The following TNIK variants were observed in gnomAD, a reference collection of about 807,000 sequenced individuals.
TNIK encodes the protein TRAF2 and NCK-interacting protein kinase.
Under a neutral mutation model 191.3 loss-of-function variants are expected in TNIK, and 49 were observed. The observed-to-expected ratio is 0.26, with a 90% CI of 0.20 to 0.32. The LOEUF is 0.32. Ranked by LOEUF, TNIK falls within the 10% of genes least tolerant of loss-of-function variation. The pLI, the probability that TNIK is intolerant of heterozygous loss-of-function variation, is 1.00. For synonymous variants in TNIK, 594 were observed against 600.9 expected (o/e 0.99, Z 0.17); for missense variants, 1,155 against 1,702.3 (o/e 0.68, Z 5.66).
At chr3:171,186,021 A>C (rs1170273650) in intron 7 of TNIK, among the ~76,000 whole-genome samples, 1 of 152,210 alleles carries the variant, frequency 6.6e-6, no homozygotes. Flanking sequence ...CACCAAACAC[A>C]CAGTGAAATC....
At chr3:171,397,114 G>A (rs370996520) in intron 1 of TNIK, among the ~76,000 whole-genome samples, 2 of 152,332 alleles carry the variant, frequency 1.3e-5, no homozygotes, top group African/African-American at 2.4e-5. Flanking sequence ...GAAAGCCTCT[G>A]AAATGTGGCA....
chr3:171,449,810 TG>T lies in TNIK; in HGVS notation c.57+10196del, dbSNP rs532321974. The stretch of plus-strand genomic sequence containing the variant: ...AAAATTTTTGGGAGGCCAAGGAGGG[TG>T]GATCACCTGAGGTCACAAGTTCGAG... On this transcript the variant is annotated intron_variant, in intron 1 of 32. Transcript: ENST00000436636. Among the ~76,000 whole-genome samples the T allele has an allele frequency of 7.3e-5, 11 of 149,928 alleles. No individual in the cohort carries two copies. In the East Asian group the frequency reaches 1.8e-3, roughly 24 times the overall value.
intron 4 of TNIK, among the ~76,000 whole-genome samples, chr3:171,195,661 A>G (rs1397393927): frequency 6.6e-6 from 1 of 152,174 alleles, no homozygotes; most frequent in Non-Finnish European, 1.5e-5. Flanking sequence ...ACCTAATAGA[A>G]ACTAAATAAA....
chr3:171,190,766 G>T lies in TNIK; in HGVS notation c.439C>A (p.His147Asn), dbSNP rs774407916. Residue 147 changes from histidine to asparagine, a missense_variant, in exon 6 of 33, where the codon CAT becomes AAT. Transcript: ENST00000436636. Reference protein sequence around the residue: ...ILRGLSHLHQHKVIHRDIKGQ... With the variant: ...ILRGLSHLHQNKVIHRDIKGQ... ...TTAATATCTCGATGAATCACTTTATGCTGGTGCAGGTGACTCAGCCCCTGG... is the reference window on the plus strand; with the variant it reads ...TTAATATCTCGATGAATCACTTTATTCTGGTGCAGGTGACTCAGCCCCTGG... 6.3e-7 allele frequency: 1 copy of T among 1,594,494 alleles called. No homozygotes were observed. The highest frequency in any genetic ancestry group is 1.1e-5 in the South Asian group (1 of 87,550).
intron 9 of TNIK, among the ~76,000 whole-genome samples, chr3:171,171,203 T>C (rs541027449): frequency 2.6e-5 from 4 of 152,094 alleles, no homozygotes; most frequent in Non-Finnish European, 5.9e-5. Context: ...ATTTTTAAAG[T>C]CTGTGTAATA....
At chr3:171,219,146 A>ATATAAATATATAATTATAAATATATATTT (rs1560279074) in intron 3 of TNIK, among the ~76,000 whole-genome samples, 1 of 50,038 alleles carries the variant, frequency 2.0e-5, no homozygotes, top group African/African-American at 1.3e-4. Context: ...AATATATATT[A>ATATAAATATATAATTATAAATATATATTT]TAAAATATAT....
intron 23 of TNIK, among the ~76,000 whole-genome samples, chr3:171,092,059 C>T (rs922437354): frequency 4.6e-5 from 7 of 151,682 alleles, no homozygotes; most frequent in Non-Finnish European, 8.8e-5. Context: ...ACGCCATTCT[C>T]CTGCCTCAGC....
chr3:171,264,918 G>C (rs1406686403), intron 2 of TNIK, among the ~76,000 whole-genome samples: 2 of 152,200 alleles, frequency 1.3e-5, no homozygotes, highest in East Asian at 1.9e-4. Context: ...TGCCATGAGA[G>C]AGGTAGTGGG....
At chr3:171,183,506 GACA>G (rs1736939600) in intron 7 of TNIK, among the ~76,000 whole-genome samples, 1 of 152,188 alleles carries the variant, frequency 6.6e-6, no homozygotes, top group Admixed American at 6.5e-5. Flanking sequence ...GGTCCCTAGG[GACA>G]ACATCTTAAT....
chr3:171,369,549 A>G, intron 2 of TNIK, 71 bp downstream of exon 2: 2 of 1,282,912 alleles, frequency 1.6e-6, no homozygotes, highest in South Asian at 2.7e-5. Flanking sequence ...GAGCCAGTAT[A>G]GACAGCACTG....
intron 2 of TNIK, among the ~76,000 whole-genome samples, chr3:171,335,163 T>C (rs1448298160): frequency 6.6e-6 from 1 of 152,188 alleles, no homozygotes; most frequent in Non-Finnish European, 1.5e-5. Flanking sequence ...TATTCATATT[T>C]CTATCCCCAG....
At chr3:171,127,207 C>G (rs143043707) in intron 16 of TNIK, among the ~76,000 whole-genome samples, 11 of 152,308 alleles carry the variant, frequency 7.2e-5, no homozygotes, top group African/African-American at 2.6e-4. Flanking sequence ...AAGGACCTGT[C>G]AAATCCTCTT....
intron 2 of TNIK, among the ~76,000 whole-genome samples, chr3:171,267,203 ACTGGTAAGTACAGAATTGACAT>A (rs1748503202): frequency 6.6e-6 from 1 of 152,200 alleles, no homozygotes; most frequent in African/African-American, 2.4e-5. Context: ...CGGTAGAAGA[ACTGGTAAGTACAGAATTGACAT>A]CTTGCTAAGA....
chr3:171,396,121 G>GC (rs146400910), intron 1 of TNIK, among the ~76,000 whole-genome samples: 60 of 149,358 alleles, frequency 4.0e-4, no homozygotes, highest in African/African-American at 1.4e-3. Context: ...CCCACCCACT[G>GC]CCCCCCCAAC....
rs763673459 is a variant in TNIK, at chr3:171,139,553, A to T, written c.1336T>A (p.Tyr446Asn). ...TCCTCCTCTAACTGTCGCCTGATGT[A>T]TTCCTGGAGAGGTAGGCAGCAGAGA... Reference protein sequence around the residue: ...ERRRAEHEQEYIRRQLEEEQR... With the variant: ...ERRRAEHEQENIRRQLEEEQR... Residue 446 changes from tyrosine to asparagine, a missense_variant, in exon 14 of 33, where the codon TAC becomes AAC. By Grantham distance (143) the Tyr-to-Asn change is moderately radical. Transcript: ENST00000436636. The T allele has an allele frequency of 1.2e-6, 2 of 1,613,794 alleles. No homozygotes were observed.
At chr3:171,097,005 T>C (rs56142913) in intron 22 of TNIK, among the ~76,000 whole-genome samples, 30,820 of 152,158 alleles carry the variant, frequency 0.2, 5,239 homozygotes, top group African/African-American at 0.47. Flanking sequence ...AAGTTGGGTT[T>C]ACTAGGATGT....
At chr3:171,290,907 C>T (rs746207350) in intron 2 of TNIK, among the ~76,000 whole-genome samples, 16 of 152,138 alleles carry the variant, frequency 1.1e-4, no homozygotes, top group Admixed American at 9.8e-4. Flanking sequence ...ATGACAAGCC[C>T]ATAGCACCAA....
intron 2 of TNIK, among the ~76,000 whole-genome samples, chr3:171,230,210 A>G (rs1162105091): frequency 6.6e-6 from 1 of 152,228 alleles, no homozygotes; most frequent in African/African-American, 2.4e-5. Context: ...AATCTTGCAC[A>G]AGGAAGAAGT....
At position 171,292,261 on chromosome 3, in the gene TNIK, G is replaced by T. The variant is rs551990426; in HGVS notation, c.124-64040C>A. On this transcript the variant is annotated intron_variant, in intron 2 of 32. Coordinates refer to ENST00000436636, the MANE Select transcript of TNIK (RefSeq NM_015028.4). ...CTTGAGAATGGGTCACATTTTCCAG[G>T]TTCTTTGTAGCTAAAGTAACTTTGG... Among the ~76,000 whole-genome samples the T allele has an allele frequency of 2.6e-5, 4 of 152,270 alleles. No homozygotes were observed. In the East Asian group the frequency reaches 7.7e-4, roughly 29 times the overall value.
Sources: gnomAD v4.1 joint callset for allele counts (sites outside exome capture counted in the v4.1 genomes callset) on GRCh38, gnomAD v4.1.1 for gene constraint, MANE v1.5 for transcripts, NCBI Gene and HGNC (gene_info 2026-07-23, HGNC 2026-07-21) for gene names.